IL4R: variants seen among roughly 807,000 people sequenced by gnomAD.
IL4R encodes the protein interleukin-4 receptor subunit alpha.
In IL4R, 17 loss-of-function variants were observed where a neutral mutation model predicts 41.5. The ratio of observed to expected loss-of-function variants is 0.41; its 90% CI spans 0.28 to 0.61. The LOEUF is 0.61. Ranked by LOEUF, IL4R falls within the 20% of genes least tolerant of loss-of-function variation. The pLI is 0.31. For missense variants in IL4R, 974 were observed against 1,043.1 expected, an observed-to-expected ratio of 0.93 and a Z score of 0.91; for synonymous variants, 402 against 422.9, an observed-to-expected ratio of 0.95 and a Z score of 0.61.
At chr16:27,339,551 C>A (rs1362187075) in intron 2 of IL4R, among the ~76,000 whole-genome samples, 3 of 152,094 alleles carry the variant, frequency 2.0e-5, no homozygotes, top group Non-Finnish European at 4.4e-5. Flanking sequence ...AGGTTCACAT[C>A]TAGTCAGTGA....
chr16:27,331,689 T>C (rs974732556), intron 2 of IL4R, among the ~76,000 whole-genome samples: 28 of 152,114 alleles, frequency 1.8e-4, no homozygotes, highest in African/African-American at 6.8e-4. Flanking sequence ...ATCCAGTTGA[T>C]TGACAGCACT....
At chr16:27,333,548 T>C (rs1035952672) in intron 2 of IL4R, among the ~76,000 whole-genome samples, 1 of 152,146 alleles carries the variant, frequency 6.6e-6, no homozygotes, top group Non-Finnish European at 1.5e-5. Context: ...TTTCCTTAGC[T>C]AGACAGTTGG....
intron 1 of IL4R, chr16:27,315,664 G>C (rs994662245): frequency 2.6e-5 from 4 of 152,640 alleles, no homozygotes; most frequent in African/African-American, 9.6e-5. Context: ...ACTGTGTACA[G>C]AACCTAGGGA....
intron 8 of IL4R, 142 bp from the exon 9 acceptor site, chr16:27,358,774 T>C: frequency 1.6e-6 from 1 of 640,198 alleles, no homozygotes; most frequent in African/African-American, 1.8e-5. Context: ...GTTAGAATGA[T>C]GAGTCAGTGG....
rs1017950689 is a variant in IL4R, at chr16:27,363,134, C to T, written c.1782C>T (p.Gly594=). 31 of 1,613,626 alleles carry T rather than the reference C, an allele frequency of 1.9e-5. No individual in the cohort carries two copies. The highest frequency in any genetic ancestry group is 2.6e-5 in the Non-Finnish European group (31 of 1,179,880). ...GCACCCAGGCCAGTGCGGTGGTGGG[C>T]TTGGGTCCCCCAGGAGAGGCTGGTT... ...QGGTQASAVV[G]LGPPGEAGYK... The change falls in exon 11 of 11, where the codon GGC becomes GGT. Residue 594 remains glycine, a synonymous_variant. Transcript: ENST00000395762.
intron 2 of IL4R, among the ~76,000 whole-genome samples, chr16:27,336,693 AAAAG>A (rs1229393044): frequency 1.3e-5 from 2 of 151,040 alleles, no homozygotes; most frequent in Non-Finnish European, 3.0e-5. Context: ...AAAAAAAAAA[AAAAG>A]GAAAGGGAGG....
chr16:27,330,117 G>A lies in IL4R; in HGVS notation c.-100G>A, dbSNP rs1378002647. 1 of 152,012 alleles carries A rather than the reference G, an allele frequency of 6.6e-6. No homozygotes were observed. Among genetic ancestry groups the A allele is most frequent in the African/African-American group, 2.4e-5 (1 of 41,394 alleles). The allele number at this position is 152,012 out of a possible 1,614,324, so 9.4% of individuals were successfully genotyped here. Reference sequence around the variant, plus strand: ...AAGAAATCATAGAGAAGCCGGGCGTGGTGGCTCATGCCTATAATCCCAGCA... The same window carrying A: ...AAGAAATCATAGAGAAGCCGGGCGTAGTGGCTCATGCCTATAATCCCAGCA... On this transcript the variant is annotated 5_prime_UTR_variant, in exon 2 of 11. Coordinates refer to ENST00000395762, the MANE Select transcript of IL4R (RefSeq NM_000418.4).
chr16:27,342,094 G>A (rs17548697), intron 3 of IL4R, 27 bp from the exon 4 acceptor site: 27 of 1,611,428 alleles, frequency 1.7e-5, no homozygotes, highest in Admixed American at 8.3e-5. Context: ...TTCCTGGGCC[G>A]CTCAGGCTGC....
chr16:27,343,899 A>T (rs1290434740), intron 4 of IL4R, among the ~76,000 whole-genome samples: 2 of 152,190 alleles, frequency 1.3e-5, no homozygotes, highest in Non-Finnish European at 2.9e-5. Flanking sequence ...AAGAGAAGTT[A>T]CTTAATGGGC....
rs1049631 is a variant in IL4R at position 27,364,221 on chromosome 16, G to A, written c.*391G>A. 82,914 of 180,092 alleles carry A rather than the reference G, an allele frequency of 0.46. 20,850 individuals carry two copies. The highest frequency in any genetic ancestry group is 0.54 in the Non-Finnish European group (46,823 of 86,620). 11.2% of individuals were successfully genotyped at this position (180,092 alleles called of 1,614,324 possible). ...TTTTGCCCACCAGATCATGGCCCACGTGGAGGCCCACCTGCCTCTGTCTCA... is the reference window on the plus strand; with the variant it reads ...TTTTGCCCACCAGATCATGGCCCACATGGAGGCCCACCTGCCTCTGTCTCA... On this transcript the variant is annotated 3_prime_UTR_variant, in exon 11 of 11. Coordinates refer to ENST00000395762, the MANE Select transcript of IL4R (RefSeq NM_000418.4).
intron 6 of IL4R, among the ~76,000 whole-genome samples, chr16:27,347,582 G>A (rs564329536): frequency 3.3e-5 from 5 of 152,324 alleles, no homozygotes; most frequent in Admixed American, 3.3e-4. Flanking sequence ...GGCAGGGGCC[G>A]TCCACAGTGG....
chr16:27,334,376 T>G (rs1030047764), intron 2 of IL4R: 2 of 152,160 alleles, frequency 1.3e-5, no homozygotes, highest in African/African-American at 4.8e-5. Flanking sequence ...CACACATCCC[T>G]GAGAAGCTAG....
At position 27,362,827 on chromosome 16, in the gene IL4R, C is replaced by T. The variant is rs34727572; in HGVS notation, c.1475C>T (p.Ala492Val). The change falls in exon 11 of 11, where the codon GCA becomes GTA. Residue 492 changes from alanine (A) to valine (V), a missense_variant. By Grantham distance (64) the Ala-to-Val change is moderately conservative. Around this residue, in one of 3 missense-constraint regions of IL4R, gnomAD observed 682 missense variants for 704.3 expected, o/e 0.97. Coordinates refer to ENST00000395762, the MANE Select transcript of IL4R (RefSeq NM_000418.4). ...TGCACAGAGACGCCCCTCGTCATCGCAGGCAACCCTGCTTACCGCAGCTTC... is the reference window on the plus strand; with the variant it reads ...TGCACAGAGACGCCCCTCGTCATCGTAGGCAACCCTGCTTACCGCAGCTTC... ...LTCTETPLVIAGNPAYRSFSN... is the reference protein window; with the variant it reads ...LTCTETPLVIVGNPAYRSFSN... 5.8e-5 allele frequency: 94 copies of T among 1,614,168 alleles called. No individual in the cohort carries two copies. In the African/African-American group the frequency reaches 1.2e-3, roughly 21 times the overall value.
At chr16:27,340,466 T>G (rs1219137802) in intron 3 of IL4R, among the ~76,000 whole-genome samples, 193 bp downstream of exon 3, 5 of 152,178 alleles carry the variant, frequency 3.3e-5, no homozygotes, top group Non-Finnish European at 5.9e-5. Context: ...CTCACACCTG[T>G]AATCCCAGCA....
intron 1 of IL4R, among the ~76,000 whole-genome samples, chr16:27,323,281 C>G (rs566291178): frequency 6.6e-6 from 1 of 152,340 alleles, no homozygotes; most frequent in South Asian, 2.1e-4. Flanking sequence ...AAATTCCTAC[C>G]TGGTTACTTC....
chr16:27,362,174 T>C (rs915684051), intron 10 of IL4R, 78 bp from the exon 11 acceptor site: 2 of 1,432,312 alleles, frequency 1.4e-6, no homozygotes, highest in African/African-American at 2.9e-5. Flanking sequence ...ACATGGTGAT[T>C]TCAGGCTGGG....
intron 1 of IL4R, among the ~76,000 whole-genome samples, chr16:27,322,556 A>G (rs1284780242): frequency 5.9e-5 from 9 of 152,136 alleles, no homozygotes; most frequent in African/African-American, 2.2e-4. Context: ...ACCAAAAACT[A>G]AAAATTAGCT....
intron 1 of IL4R, among the ~76,000 whole-genome samples, chr16:27,325,701 G>A (rs978788621): frequency 1.3e-5 from 2 of 152,066 alleles, no homozygotes; most frequent in South Asian, 2.1e-4. Context: ...GTTAAAATAA[G>A]AATAAAATAA....
intron 2 of IL4R, among the ~76,000 whole-genome samples, chr16:27,338,296 C>T (rs932407242): frequency 2.6e-5 from 4 of 151,822 alleles, no homozygotes; most frequent in African/African-American, 4.8e-5. Flanking sequence ...TGGCTTACTG[C>T]AGCCTTGACA....
Sources: allele counts gnomAD v4.1 joint callset (sites outside exome capture counted in the v4.1 genomes callset), GRCh38; gene constraint gnomAD v4.1.1; regional missense constraint gnomAD v4.1.1; transcripts MANE v1.5; gene names NCBI Gene and HGNC (gene_info 2026-07-23, HGNC 2026-07-21).